The following DPY19L3 variants were observed in gnomAD, a reference collection of about 807,000 sequenced individuals.
DPY19L3 encodes the protein protein C-mannosyl-transferase DPY19L3.
Under a neutral mutation model 92.3 loss-of-function variants are expected in DPY19L3, and 51 were observed. The ratio of observed to expected loss-of-function variants is 0.55; its 90% CI spans 0.44 to 0.70. The LOEUF (loss-of-function observed/expected upper bound fraction) is 0.70, where lower values mean the gene tolerates loss of function less well. Among genes scored for constraint, DPY19L3 ranks in the 30% least tolerant of loss-of-function variants. DPY19L3 has a pLI of 0.00. For missense variants in DPY19L3, 706 were observed against 855.9 expected, an observed-to-expected ratio of 0.82 and a Z score of 2.18; for synonymous variants, 309 against 315.2, an observed-to-expected ratio of 0.98 and a Z score of 0.21.
intron 12 of DPY19L3, among the ~76,000 whole-genome samples, chr19:32,461,173 A>G (rs955323584): frequency 6.6e-6 from 1 of 151,878 alleles, no homozygotes; most frequent in Non-Finnish European, 1.5e-5. Context: ...GCCAGATACT[A>G]TGACTTTTAT....
intron 1 of DPY19L3, among the ~76,000 whole-genome samples, chr19:32,406,882 A>C (rs1967974048): frequency 6.6e-6 from 1 of 152,200 alleles, no homozygotes; most frequent in Non-Finnish European, 1.5e-5. Flanking sequence ...GGATGAGGTC[A>C]CATGGGGGAT....
chr19:32,445,207 C>T (rs1036605401), intron 8 of DPY19L3, among the ~76,000 whole-genome samples: 2 of 151,408 alleles, frequency 1.3e-5, no homozygotes, highest in African/African-American at 2.4e-5. Flanking sequence ...TTTGGGAGGC[C>T]GAGGCAGACG....
intron 3 of DPY19L3, among the ~76,000 whole-genome samples, chr19:32,418,029 A>G (rs985014324): frequency 2.0e-5 from 3 of 152,136 alleles, no homozygotes; most frequent in Non-Finnish European, 2.9e-5. Flanking sequence ...GGGCATTTTC[A>G]TCTTACCATC....
At position 32,453,163 on chromosome 19, in the gene DPY19L3, A is replaced by G; in HGVS notation, c.874A>G (p.Ile292Val). The G allele has an allele frequency of 6.2e-7, 1 of 1,614,060 alleles. No individual in the cohort carries two copies. The highest frequency in any genetic ancestry group is 8.5e-7 in the Non-Finnish European group (1 of 1,180,000). ...CTTGCAGGCGACATGGCTGTATGGA[A>G]TACAGATAACAAGTTTACTCCTGGT... is the stretch of plus-strand genomic sequence containing the variant. ...PAVKATWLYG[I>V]QITSLLLVCI... The change falls in exon 9 of 19, where the codon ATA becomes GTA. Residue 292 changes from isoleucine (I) to valine (V), a missense_variant. Ile to Val is a conservative substitution (Grantham distance 29). Transcript: ENST00000392250.
chr19:32,437,633 TATCTC>T (rs564823131), intron 6 of DPY19L3, among the ~76,000 whole-genome samples: 4 of 152,270 alleles, frequency 2.6e-5, no homozygotes, highest in African/African-American at 9.6e-5. Context: ...TCCAGCCGCA[TATCTC>T]ATCTCTTAAA....
intron 3 of DPY19L3, chr19:32,427,972 T>TC (rs1366325814): frequency 6.8e-6 from 1 of 147,104 alleles, no homozygotes; most frequent in African/African-American, 2.5e-5. Flanking sequence ...ACAAATCTTT[T>TC]TTTTTTTTTT....
intron 8 of DPY19L3, among the ~76,000 whole-genome samples, chr19:32,448,400 C>T (rs377724266): frequency 2.0e-5 from 3 of 152,128 alleles, no homozygotes; most frequent in African/African-American, 4.8e-5. Flanking sequence ...CTACTGGTGC[C>T]GATGTCTCCC....
intron 3 of DPY19L3, among the ~76,000 whole-genome samples, chr19:32,430,613 C>CTTATTTAT (rs371297513): frequency 6.6e-6 from 1 of 151,648 alleles, no homozygotes; most frequent in Non-Finnish European, 1.5e-5. Context: ...ATGGTTCTTT[C>CTTATTTAT]TTATTTATTT....
At position 32,411,600 on chromosome 19, in the gene DPY19L3, C is replaced by G. The variant is rs531526285; in HGVS notation, c.237+228C>G. 4.3e-4 allele frequency: 192 copies of G among 443,380 alleles called. 1 individual carries two copies. Among genetic ancestry groups the G allele is most frequent in the African/African-American group, 3.7e-3 (183 of 49,108 alleles). 27.5% of individuals were successfully genotyped at this position (443,380 alleles called of 1,614,324 possible). On this transcript the variant is annotated intron_variant, in intron 3 of 18. Coordinates refer to ENST00000392250, the MANE Select transcript of DPY19L3 (RefSeq NM_001172774.2). ...TATTTATTTTTGAGATGGAGTCTCA[C>G]TCTGTCACCCAGGCTGGAGTGCGGT... is the stretch of plus-strand genomic sequence containing the variant.
At chr19:32,438,692 G>GT (rs879420872) in intron 6 of DPY19L3, among the ~76,000 whole-genome samples, 194 of 152,110 alleles carry the variant, frequency 1.3e-3, no homozygotes, top group Non-Finnish European at 2.3e-3. Flanking sequence ...GAGGCAGGAA[G>GT]TTTTTTTAAA....
chr19:32,417,998 A>C (rs1478053559), intron 3 of DPY19L3, among the ~76,000 whole-genome samples: 2 of 152,128 alleles, frequency 1.3e-5, no homozygotes, highest in Non-Finnish European at 2.9e-5. Flanking sequence ...TGAAGGCAGG[A>C]GTTCCGTCTG....
intron 8 of DPY19L3, among the ~76,000 whole-genome samples, chr19:32,445,999 T>C (rs1221633188): frequency 1.3e-5 from 2 of 150,288 alleles, no homozygotes; most frequent in South Asian, 2.1e-4. Context: ...AAACTTCGTC[T>C]CAAAAAAAAA....
intron 4 of DPY19L3, among the ~76,000 whole-genome samples, chr19:32,434,691 T>C (rs1458558371): frequency 1.3e-5 from 2 of 152,154 alleles, no homozygotes; most frequent in Non-Finnish European, 2.9e-5. Flanking sequence ...AACTAATTAA[T>C]TAAAACACGA....
intron 3 of DPY19L3, chr19:32,412,941 GA>G (rs1449464318): frequency 1.3e-5 from 2 of 151,168 alleles, no homozygotes; most frequent in South Asian, 2.1e-4. Context: ...AAAAAAAAAA[GA>G]AAAAAGTTGA....
At chr19:32,468,402 C>T in intron 15 of DPY19L3, 2 of 1,022,626 alleles carry the variant, frequency 2.0e-6, no homozygotes, top group South Asian at 4.0e-5. Flanking sequence ...GGTTGGCATT[C>T]TTGTCATGTC....
intron 10 of DPY19L3, among the ~76,000 whole-genome samples, chr19:32,456,649 G>T (rs969118654): frequency 2.6e-5 from 4 of 151,900 alleles, no homozygotes; most frequent in African/African-American, 9.7e-5. Context: ...GCCCAGGCTG[G>T]TCTCAAACAC....
intron 4 of DPY19L3, among the ~76,000 whole-genome samples, chr19:32,434,370 T>C (rs1427586491): frequency 6.6e-6 from 1 of 152,168 alleles, no homozygotes; most frequent in African/African-American, 2.4e-5. Flanking sequence ...AAAATGATCC[T>C]CTGAGCCTGG....
chr19:32,411,471 G>T (rs1218628426), intron 3 of DPY19L3, 99 bp downstream of exon 3: 9 of 1,308,028 alleles, frequency 6.9e-6, no homozygotes, highest in Non-Finnish European at 9.7e-6. Flanking sequence ...TTGCCATAAA[G>T]AATCCAATCT....
Position 32,408,317 on chromosome 19 carries a change from C to A in DPY19L3, c.64C>A (p.Gln22Lys). 6.2e-7 allele frequency: 1 copy of A among 1,613,566 alleles called. No homozygotes were observed. The highest frequency in any genetic ancestry group is 8.5e-7 in the Non-Finnish European group (1 of 1,179,926). Residue 22 changes from glutamine (Q) to lysine (K), a missense_variant, in exon 2 of 19, where the codon CAA becomes AAA. Transcript: ENST00000392250. ...AGAAGTTTCTGAAGACTTTCCAGCCCAAGAAGAAAATGTGAAGTTGGAAAA... is the reference window on the plus strand; with the variant it reads ...AGAAGTTTCTGAAGACTTTCCAGCCAAAGAAGAAAATGTGAAGTTGGAAAA... ...ATEVSEDFPA[Q>K]EENVKLENKL...
Sources: gnomAD v4.1 joint callset for allele counts (sites outside exome capture counted in the v4.1 genomes callset) on GRCh38, gnomAD v4.1.1 for gene constraint, MANE v1.5 for transcripts, NCBI Gene and HGNC (gene_info 2026-07-23, HGNC 2026-07-21) for gene names.